REC114: variants seen among roughly 807,000 people sequenced by gnomAD.
REC114 encodes meiotic recombination protein REC114.
Under a neutral mutation model 31.3 loss-of-function variants are expected in REC114, and 27 were observed. The ratio of observed to expected loss-of-function variants is 0.86; its 90% CI spans 0.64 to 1.19. The LOEUF is 1.19. Among genes scored for constraint, REC114 ranks in the 50% most tolerant of loss-of-function variants. The pLI is 0.00. For synonymous variants in REC114, 134 were observed against 127.7 expected (o/e 1.05, Z -0.33); for missense variants, 344 against 326.9 (o/e 1.05, Z -0.40).
intron 2 of REC114, among the ~76,000 whole-genome samples, chr15:73,515,012 T>G (rs1044629781): frequency 1.3e-5 from 2 of 151,714 alleles, no homozygotes; most frequent in African/African-American, 4.8e-5. Flanking sequence ...CCATCATGGC[T>G]TACTGCAGCC....
chr15:73,559,500 G>A (rs191502947), intron 5 of REC114, among the ~76,000 whole-genome samples: 1 of 152,244 alleles, frequency 6.6e-6, no homozygotes, highest in Non-Finnish European at 1.5e-5. Context: ...CATTTCATCA[G>A]TACATTTGAA....
intron 5 of REC114, among the ~76,000 whole-genome samples, chr15:73,558,511 T>C (rs1894510568): frequency 6.6e-6 from 1 of 152,180 alleles, no homozygotes; most frequent in African/African-American, 2.4e-5. Flanking sequence ...ACACTGCAGG[T>C]TACCAAAGAA....
intron 2 of REC114, among the ~76,000 whole-genome samples, chr15:73,497,656 C>A (rs1212297084): frequency 6.6e-6 from 1 of 152,180 alleles, no homozygotes; most frequent in Non-Finnish European, 1.5e-5. Context: ...GATTTGTAAA[C>A]TATAGAATGT....
At chr15:73,514,995 A>G (rs975397346) in intron 2 of REC114, among the ~76,000 whole-genome samples, 27 of 147,544 alleles carry the variant, frequency 1.8e-4, no homozygotes, top group African/African-American at 6.8e-4. Flanking sequence ...GCTGGAGTGC[A>G]GTGATGCCAT....
At chr15:73,448,923 C>G (rs2151250241) in intron 1 of REC114, among the ~76,000 whole-genome samples, 1 of 152,242 alleles carries the variant, frequency 6.6e-6, no homozygotes, top group Non-Finnish European at 1.5e-5. Context: ...AGAAGGAAAA[C>G]AAACAAACAG....
chr15:73,545,939 C>A (rs1894302287), intron 3 of REC114, among the ~76,000 whole-genome samples: 1 of 152,078 alleles, frequency 6.6e-6, no homozygotes, highest in Non-Finnish European at 1.5e-5. Flanking sequence ...AACAAGAAAT[C>A]AGTTTAATTT....
chr15:73,496,637 G>A (rs1248716605), intron 2 of REC114, among the ~76,000 whole-genome samples: 2 of 149,562 alleles, frequency 1.3e-5, no homozygotes, highest in African/African-American at 4.9e-5. Flanking sequence ...TGGATGACAC[G>A]GTGAGACTCC....
chr15:73,514,118 C>T (rs201812048), intron 2 of REC114, among the ~76,000 whole-genome samples: 14 of 151,952 alleles, frequency 9.2e-5, no homozygotes, highest in South Asian at 4.2e-4. Flanking sequence ...TAGGACCCTC[C>T]GAGCCAGGTG....
intron 1 of REC114, among the ~76,000 whole-genome samples, chr15:73,445,287 A>G (rs989457505): frequency 6.6e-6 from 1 of 152,312 alleles, no homozygotes; most frequent in Non-Finnish European, 1.5e-5. Flanking sequence ...CTCTTCTTCT[A>G]AGAAAAGGCT....
chr15:73,460,411 C>T (rs946818671), intron 1 of REC114, among the ~76,000 whole-genome samples: 1 of 152,160 alleles, frequency 6.6e-6, no homozygotes, highest in African/African-American at 2.4e-5. Flanking sequence ...AGCATCTCTA[C>T]TTAAAGAGCT....
intron 2 of REC114, among the ~76,000 whole-genome samples, chr15:73,479,376 C>T (rs551598598): frequency 3.3e-5 from 5 of 151,418 alleles, no homozygotes; most frequent in African/African-American, 9.7e-5. Context: ...CATTGTAAAA[C>T]AATGACTGTA....
chr15:73,556,187 C>A, intron 4 of REC114, 115 bp from the exon 5 acceptor site: 1 of 853,478 alleles, frequency 1.2e-6, no homozygotes, highest in Non-Finnish European at 1.8e-6. Flanking sequence ...ATTTTTATCA[C>A]TCTTAGTGGT....
intron 2 of REC114, among the ~76,000 whole-genome samples, chr15:73,486,515 T>C (rs1413248448): frequency 2.6e-5 from 4 of 152,220 alleles, no homozygotes; most frequent in African/African-American, 9.6e-5. Context: ...TGGGCTCAAT[T>C]TGTCAGCAGG....
In REC114 at chr15:73,540,489, G is replaced by C; in HGVS notation, c.254G>C (p.Gly85Ala). The C allele has an allele frequency of 6.2e-7, 1 of 1,613,538 alleles. No individual in the cohort carries two copies. Among genetic ancestry groups the C allele is most frequent in the Non-Finnish European group, 8.5e-7 (1 of 1,179,578 alleles). The change falls in exon 3 of 6, where the codon GGG becomes GCG. Residue 85 changes from glycine to alanine, a missense_variant. Gly to Ala is a moderately conservative substitution (Grantham distance 60). Transcript: ENST00000331090. ...FIFQGQTLLEGFSLIGSKDWL... is the reference protein window; with the variant it reads ...FIFQGQTLLEAFSLIGSKDWL... ...TTTTGCCTAATTTTGTTTCAGGAAG[G>C]GTTTTCACTCATTGGTAGCAAGGAC...
rs114265248 is a variant in REC114, at chr15:73,518,363, C to T, written c.250-22122C>T. Reference sequence around the variant, plus strand: ...GTGTCTCTCCCTGTCTCTGCCTCTGCCTCTCAGCTCCGTTTTCCTCTGGAA... The same window carrying T: ...GTGTCTCTCCCTGTCTCTGCCTCTGTCTCTCAGCTCCGTTTTCCTCTGGAA... On this transcript the variant is annotated intron_variant, in intron 2 of 5. Transcript: ENST00000331090. Among the ~76,000 whole-genome samples the T allele has an allele frequency of 5.1e-3, 781 of 152,316 alleles. 8 individuals are homozygous for T. The highest frequency in any genetic ancestry group is 0.018 in the African/African-American group (733 of 41,566).
intron 1 of REC114, among the ~76,000 whole-genome samples, chr15:73,466,446 C>T (rs961851168): frequency 2.6e-5 from 4 of 151,862 alleles, no homozygotes; most frequent in Non-Finnish European, 5.9e-5. Context: ...CCTAGCTACT[C>T]AGGAGGCTGA....
At chr15:73,473,045 A>C (rs1401304451) in intron 1 of REC114, among the ~76,000 whole-genome samples, 1 of 152,140 alleles carries the variant, frequency 6.6e-6, no homozygotes, top group Non-Finnish European at 1.5e-5. Context: ...TAAGAGTGAC[A>C]CTGACAAACT....
chr15:73,555,032 G>A (rs1165331417), intron 4 of REC114, among the ~76,000 whole-genome samples: 4 of 152,176 alleles, frequency 2.6e-5, no homozygotes, highest in Admixed American at 6.5e-5. Flanking sequence ...CATTTTGCTC[G>A]TTTTTTGTTT....
intron 2 of REC114, among the ~76,000 whole-genome samples, chr15:73,523,317 CAA>C (rs368923371): frequency 3.6e-5 from 5 of 138,570 alleles, no homozygotes. Context: ...ATTTATAGAC[CAA>C]AAAAAAAAAG....
Sources: gnomAD v4.1 joint callset for allele counts (sites outside exome capture counted in the v4.1 genomes callset) on GRCh38, gnomAD v4.1.1 for gene constraint, MANE v1.5 for transcripts, NCBI Gene and HGNC (gene_info 2026-07-23, HGNC 2026-07-21) for gene names.